Variants in UBE2J1 observed in about 807,000 individuals in gnomAD.
UBE2J1 encodes the protein ubiquitin conjugating enzyme E2 J1.
A neutral mutation model predicts 42.1 loss-of-function variants in UBE2J1; 17 were observed. The observed-to-expected ratio is 0.40, with a 90% CI of 0.28 to 0.61. UBE2J1 has a LOEUF of 0.61. Among genes scored for constraint, UBE2J1 ranks in the 20% least tolerant of loss-of-function variants. UBE2J1 has a pLI of 0.38. For synonymous variants in UBE2J1, 127 were observed against 137.2 expected (o/e 0.93, Z 0.52); for missense variants, 291 against 389.4 (o/e 0.75, Z 2.13).
At chr6:89,342,199 G>A in intron 3 of UBE2J1, 125 bp downstream of exon 3, 1 of 995,060 alleles carries the variant, frequency 1.0e-6, no homozygotes, top group South Asian at 1.6e-5. Context: ...TAGTCCCAGG[G>A]CCTGGACCCC....
In UBE2J1 at chr6:89,338,452, CACTT is replaced by C; in HGVS notation, c.322+3_322+6del. On this transcript the variant is annotated splice_donor_5th_base_variant and intron_variant, in intron 4 of 7. Coordinates refer to ENST00000435041, the MANE Select transcript of UBE2J1 (RefSeq NM_016021.3). ...GAGATTTATATTCACTATAAATTAA[CACTT>C]ACTACTCCACGAAGGCTGCCAAGTT... is the stretch of plus-strand genomic sequence containing the variant. The C allele has an allele frequency of 1.9e-6, 3 of 1,607,818 alleles. No individual in the cohort carries two copies. Among genetic ancestry groups the C allele is most frequent in the Non-Finnish European group, 1.7e-6 (2 of 1,175,804 alleles).
At position 89,328,771 on chromosome 6, in the gene UBE2J1, T is replaced by C. The variant is rs1335174515; in HGVS notation, c.*908A>G. 1.3e-5 allele frequency: 2 copies of C among 152,170 alleles called. No homozygotes were observed. Among genetic ancestry groups the C allele is most frequent in the Non-Finnish European group, 2.9e-5 (2 of 68,036 alleles). 9.4% of individuals were successfully genotyped at this position (152,170 alleles called of 1,614,324 possible). On this transcript the variant is annotated 3_prime_UTR_variant, in exon 8 of 8. Transcript: ENST00000435041. ...TGAGGTTTTCTATTAAAATAGGACATGAAATATTTCAATATTATGCATATT... is the reference window on the plus strand; with the variant it reads ...TGAGGTTTTCTATTAAAATAGGACACGAAATATTTCAATATTATGCATATT...
At chr6:89,349,478 GGCAGGGATGGA>G (rs1433615393) in intron 1 of UBE2J1, among the ~76,000 whole-genome samples, 1 of 152,112 alleles carries the variant, frequency 6.6e-6, no homozygotes, top group African/African-American at 2.4e-5. Context: ...TGTGTTTCAG[GGCAGGGATGGA>G]GCAAGGAAGC....
At chr6:89,345,167 T>C (rs539831431) in intron 1 of UBE2J1, among the ~76,000 whole-genome samples, 1 of 152,228 alleles carries the variant, frequency 6.6e-6, no homozygotes, top group South Asian at 2.1e-4. Context: ...CCCAGGTAGA[T>C]ATGAATAGGA....
chr6:89,335,509 G>C lies in UBE2J1; in HGVS notation c.429-78C>G, dbSNP rs372625221. On this transcript the variant is annotated intron_variant, in intron 5 of 7. Coordinates refer to ENST00000435041, the MANE Select transcript of UBE2J1 (RefSeq NM_016021.3). ...CTCTCACTGAGACACTCAAATGCTC[G>C]ATCATTAAACTTAAAAGAAAGGAAC... The C allele has an allele frequency of 6.4e-6, 7 of 1,092,932 alleles. No individual in the cohort carries two copies. The African/African-American group carries it at 6.5e-5, about 10-fold the overall frequency. The allele number at this position is 1,092,932 out of a possible 1,614,324, so 67.7% of individuals were successfully genotyped here. A position where few individuals can be genotyped will look rare whatever the true frequency, so the allele number is the denominator to read the frequency against.
rs1022023098 is a variant in UBE2J1 at position 89,327,781 on chromosome 6, C to T, written c.*1898G>A. 1 of 152,178 alleles carries T rather than the reference C, an allele frequency of 6.6e-6. No individual in the cohort carries two copies. Among genetic ancestry groups the T allele is most frequent in the Non-Finnish European group, 1.5e-5 (1 of 68,034 alleles). The allele number at this position is 152,178 out of a possible 1,614,324, so 9.4% of individuals were successfully genotyped here. A position where few individuals can be genotyped will look rare whatever the true frequency, so the allele number is the denominator to read the frequency against. On this transcript the variant is annotated 3_prime_UTR_variant, in exon 8 of 8. Coordinates refer to ENST00000435041, the MANE Select transcript of UBE2J1 (RefSeq NM_016021.3). ...TGGCTCAAGTTTGACTGAGGGGAAACGGAGGGAAGGCTGTTCCTAGCACAC... is the reference window on the plus strand; with the variant it reads ...TGGCTCAAGTTTGACTGAGGGGAAATGGAGGGAAGGCTGTTCCTAGCACAC...
In UBE2J1 at chr6:89,330,036, C is replaced by G. The variant is rs1169332137; in HGVS notation, c.679-79G>C. 7 of 1,409,018 alleles carry G rather than the reference C, an allele frequency of 5.0e-6. No individual in the cohort carries two copies. In the African/African-American group the frequency reaches 1.0e-4, roughly 20 times the overall value. The allele number at this position is 1,409,018 out of a possible 1,614,324, so 87.3% of individuals were successfully genotyped here. On this transcript the variant is annotated intron_variant, in intron 7 of 7. Coordinates refer to ENST00000435041, the MANE Select transcript of UBE2J1 (RefSeq NM_016021.3). ...CACTTGTTATCTATTCAAGAATACA[C>G]AATCTCAGAGGACAACATATGACTA...
Position 89,338,726 on chromosome 6 carries a change from T to C in UBE2J1, c.238-183A>G, listed in dbSNP as rs924684963. 1.8e-4 allele frequency among the ~76,000 whole-genome samples: 24 copies of C among 135,290 alleles called. No individual in the cohort carries two copies. The East Asian group carries it at 3.9e-3, about 22-fold the overall frequency. The allele number at this position is 135,290 out of a possible 152,430, so 88.8% of individuals were successfully genotyped here. A position where few individuals can be genotyped will look rare whatever the true frequency, so the allele number is the denominator to read the frequency against. On this transcript the variant is annotated intron_variant, in intron 3 of 7. Transcript: ENST00000435041. ...TGTCACCCAGGCTGGAGTGCAGTGG[T>C]GTGATATCAGCTCACTGCAAGATCC... is the stretch of plus-strand genomic sequence containing the variant.
intron 1 of UBE2J1, among the ~76,000 whole-genome samples, chr6:89,351,069 CTTTTTTTTTTTTTTTTTTTT>C (rs1193022037): frequency 1.7e-5 from 1 of 60,442 alleles, no homozygotes; most frequent in Non-Finnish European, 3.0e-5. Flanking sequence ...CCGGGATTCT[CTTTTTTTTTTTTTTTTTTTT>C]TTTTTTTTTT....
rs568416969 is a variant in UBE2J1, at chr6:89,345,903, G to A, written c.32-2147C>T. On this transcript the variant is annotated intron_variant, in intron 1 of 7. Coordinates refer to ENST00000435041, the MANE Select transcript of UBE2J1 (RefSeq NM_016021.3). ...GCCTGGGCAACAAGAGCGAAACTAC[G>A]TCTAAAAAAAAAAAAAAAAGCCCTC... Among the ~76,000 whole-genome samples, 425 of 109,654 alleles carry A rather than the reference G, an allele frequency of 3.9e-3. 3 individuals are homozygous for A. Among genetic ancestry groups the A allele is most frequent in the African/African-American group, 0.017 (399 of 23,968 alleles). 71.9% of individuals were successfully genotyped at this position (109,654 alleles called of 152,430 possible).
intron 7 of UBE2J1, 110 bp downstream of exon 7, chr6:89,332,976 T>A: frequency 1.1e-6 from 1 of 940,890 alleles, no homozygotes; most frequent in Non-Finnish European, 1.5e-6. Flanking sequence ...TAGAATCCAG[T>A]TGTTAAGAGA....
rs1352008696 is a variant in UBE2J1 at position 89,329,696 on chromosome 6, A to G, written c.940T>C (p.Phe314Leu). ...RRIYLANEYI[F>L]DFEL ...AAACCATATTATAACTCAAAGTCAA[A>G]TATGTATTCGTTTGCCAGATATATT... The change falls in exon 8 of 8, where the codon TTT becomes CTT. Residue 314 changes from phenylalanine to leucine, a missense_variant. This residue lies in a region of UBE2J1 where 176 missense variants were observed against 196.3 expected (regional missense o/e 0.90). Coordinates refer to ENST00000435041, the MANE Select transcript of UBE2J1 (RefSeq NM_016021.3). 9 of 1,613,994 alleles carry G rather than the reference A, an allele frequency of 5.6e-6. No homozygotes were observed. In the Admixed American group the frequency reaches 1.0e-4, roughly 18 times the overall value.
intron 1 of UBE2J1, among the ~76,000 whole-genome samples, chr6:89,352,148 G>T (rs1337032268): frequency 1.3e-5 from 2 of 152,310 alleles, no homozygotes; most frequent in Non-Finnish European, 2.9e-5. Context: ...GCAGTAAATA[G>T]AAGTAAATAG....
intron 7 of UBE2J1, among the ~76,000 whole-genome samples, chr6:89,332,585 G>C (rs2127860834): frequency 6.6e-6 from 1 of 152,326 alleles, no homozygotes. Context: ...AATGTGGTGT[G>C]ACTGAGGAAC....
chr6:89,335,412 C>G lies in UBE2J1; in HGVS notation c.448G>C (p.Glu150Gln). 1 of 1,581,502 alleles carries G rather than the reference C, an allele frequency of 6.3e-7. No homozygotes were observed. Among genetic ancestry groups the G allele is most frequent in the South Asian group, 1.2e-5 (1 of 85,304 alleles). Residue 150 changes from glutamate to glutamine, a missense_variant, in exon 6 of 8, where the codon GAA becomes CAA. Glu to Gln is a conservative substitution (Grantham distance 29). Around this residue, in one of 2 missense-constraint regions of UBE2J1, gnomAD observed 115 missense variants for 193.1 expected, o/e 0.60. Transcript: ENST00000435041. ...LAKKSQDFCC[E>Q]GCGSAMKDVL... The stretch of plus-strand genomic sequence containing the variant: ...TCCTTCATGGCAGAGCCACATCCTT[C>G]ACAACAGAAATCTTGTGATCTAGTA...
chr6:89,351,427 G>C (rs935031397), intron 1 of UBE2J1, among the ~76,000 whole-genome samples: 2 of 151,824 alleles, frequency 1.3e-5, no homozygotes. Context: ...CTACACACTT[G>C]GTCACCTAAG....
chr6:89,337,175 T>C (rs1449015105), intron 5 of UBE2J1, among the ~76,000 whole-genome samples: 6 of 151,274 alleles, frequency 4.0e-5, no homozygotes, highest in African/African-American at 7.3e-5. Context: ...TATTATAGAC[T>C]GAGAATCTAG....
intron 1 of UBE2J1, among the ~76,000 whole-genome samples, chr6:89,350,958 T>C (rs1267334168): frequency 2.6e-5 from 4 of 151,862 alleles, no homozygotes; most frequent in South Asian, 2.1e-4. Context: ...TCCAGTTAAA[T>C]ATACCACAAT....
At chr6:89,338,865 C>T (rs944359746) in intron 3 of UBE2J1, among the ~76,000 whole-genome samples, 1 of 151,876 alleles carries the variant, frequency 6.6e-6, no homozygotes, top group Non-Finnish European at 1.5e-5. Flanking sequence ...CGGGGTTTCA[C>T]CGTGTTAGCC....
Sources: gnomAD v4.1 joint callset for allele counts (sites outside exome capture counted in the v4.1 genomes callset) on GRCh38, gnomAD v4.1.1 for gene constraint, gnomAD v4.1.1 regional missense constraint, MANE v1.5 for transcripts, NCBI Gene and HGNC (gene_info 2026-07-23, HGNC 2026-07-21) for gene names.